Variants in ZRANB3 observed in about 807,000 individuals in gnomAD.
The protein encoded by ZRANB3 is DNA annealing helicase and endonuclease ZRANB3.
A neutral mutation model predicts 133.8 loss-of-function variants in ZRANB3; 125 were observed. The observed-to-expected ratio is 0.93, with a 90% CI of 0.81 to 1.08. ZRANB3 has a LOEUF of 1.08. ZRANB3 is among the 50% of genes least tolerant of loss of function. ZRANB3 has a pLI of 0.00. For synonymous variants in ZRANB3, 387 were observed against 432.7 expected (o/e 0.89, Z 1.31); for missense variants, 1,229 against 1,275.5 (o/e 0.96, Z 0.56).
chr2:135,284,517 G>C (rs1001246455), intron 8 of ZRANB3, among the ~76,000 whole-genome samples: 6 of 152,218 alleles, frequency 3.9e-5, no homozygotes, highest in African/African-American at 1.4e-4. Context: ...TGTCGCCCAG[G>C]CTGGAGTGCA....
chr2:135,415,139 A>C (rs1688499596), intron 2 of ZRANB3, among the ~76,000 whole-genome samples: 1 of 151,300 alleles, frequency 6.6e-6, no homozygotes, highest in African/African-American at 2.4e-5. Context: ...ACAAAAAAAA[A>C]ACCCTTCAAA....
intron 2 of ZRANB3, among the ~76,000 whole-genome samples, chr2:135,456,923 A>T (rs903116671): frequency 2.6e-5 from 4 of 152,222 alleles, no homozygotes; most frequent in Admixed American, 2.6e-4. Context: ...TTGACAAGGA[A>T]ATTAGTAAAT....
At chr2:135,466,518 A>G (rs1691008728) in intron 2 of ZRANB3, among the ~76,000 whole-genome samples, 1 of 151,998 alleles carries the variant, frequency 6.6e-6, no homozygotes, top group Non-Finnish European at 1.5e-5. Flanking sequence ...AGTAAACTGC[A>G]AGTTAAAAAC....
intron 1 of ZRANB3, among the ~76,000 whole-genome samples, chr2:135,505,742 A>G (rs1693149219): frequency 6.6e-6 from 1 of 152,198 alleles, no homozygotes; most frequent in Non-Finnish European, 1.5e-5. Context: ...GCCACAACCT[A>G]GAGAAGCAAG....
intron 2 of ZRANB3, among the ~76,000 whole-genome samples, chr2:135,483,076 CTCT>C (rs1215341296): frequency 6.6e-6 from 1 of 152,026 alleles, no homozygotes; most frequent in African/African-American, 2.4e-5. Flanking sequence ...GTCTAAAATT[CTCT>C]TTTTTGGCTG....
At chr2:135,442,780 A>T (rs1402647539) in intron 2 of ZRANB3, among the ~76,000 whole-genome samples, 2 of 152,192 alleles carry the variant, frequency 1.3e-5, no homozygotes, top group Non-Finnish European at 2.9e-5. Flanking sequence ...ACAATAGCAA[A>T]GTCTTGGAAC....
chr2:135,476,178 C>T (rs2104786346), intron 2 of ZRANB3, among the ~76,000 whole-genome samples: 1 of 152,212 alleles, frequency 6.6e-6, no homozygotes, highest in Middle Eastern at 3.4e-3. Context: ...TTATATGGAT[C>T]TTCATATGAA....
chr2:135,448,835 A>G (rs1298355042), intron 2 of ZRANB3, among the ~76,000 whole-genome samples: 1 of 152,218 alleles, frequency 6.6e-6, no homozygotes, highest in East Asian at 1.9e-4. Context: ...CATGAATAAT[A>G]GCTAACTGTG....
chr2:135,406,145 C>T (rs1688014366), intron 2 of ZRANB3, among the ~76,000 whole-genome samples: 1 of 152,012 alleles, frequency 6.6e-6, no homozygotes, highest in South Asian at 2.1e-4. Flanking sequence ...GGGATATCAC[C>T]ACCGATCCCA....
intron 2 of ZRANB3, among the ~76,000 whole-genome samples, chr2:135,441,104 AT>A (rs1216471862): frequency 6.6e-6 from 1 of 152,178 alleles, no homozygotes; most frequent in Non-Finnish European, 1.5e-5. Flanking sequence ...GAAGAAAAAC[AT>A]TTACTCTCAG....
chr2:135,205,372 C>T (rs544662458), intron 19 of ZRANB3, among the ~76,000 whole-genome samples: 19 of 152,286 alleles, frequency 1.2e-4, no homozygotes, highest in African/African-American at 4.1e-4. Flanking sequence ...TGGACTCAAG[C>T]AATCCTCCTA....
At chr2:135,507,424 T>C (rs1396195806) in intron 1 of ZRANB3, among the ~76,000 whole-genome samples, 1 of 152,194 alleles carries the variant, frequency 6.6e-6, no homozygotes, top group Non-Finnish European at 1.5e-5. Context: ...GATATACTAT[T>C]GTGGACTTTA....
chr2:135,347,294 C>CTT (rs371254079), intron 5 of ZRANB3, among the ~76,000 whole-genome samples: 1,980 of 137,310 alleles, frequency 0.014, 69 homozygotes, highest in African/African-American at 0.048. Flanking sequence ...TTTCAGTTCT[C>CTT]TTTTTTTTTT....
Position 135,314,812 on chromosome 2 carries a change from G to A in ZRANB3, c.849+547C>T, listed in dbSNP as rs181770088. Among the ~76,000 whole-genome samples, 57 of 151,246 alleles carry A rather than the reference G, an allele frequency of 3.8e-4. 1 individual carries two copies. Among genetic ancestry groups the A allele is most frequent in the African/African-American group, 1.1e-3 (44 of 41,142 alleles). ...TGCCCAGGCTGGAGTGCAATGGCGC[G>A]ATCTCGGCTCACTGCAACCTCTGCC... On this transcript the variant is annotated intron_variant, in intron 7 of 20. Coordinates refer to ENST00000264159, the MANE Select transcript of ZRANB3 (RefSeq NM_032143.4).
At chr2:135,403,731 C>T (rs1211473399) in intron 2 of ZRANB3, among the ~76,000 whole-genome samples, 2 of 152,142 alleles carry the variant, frequency 1.3e-5, no homozygotes, top group Admixed American at 1.3e-4. Context: ...CCTCACACGG[C>T]CGGGTACTCC....
At chr2:135,312,019 C>A (rs1683000823) in intron 8 of ZRANB3, among the ~76,000 whole-genome samples, 1 of 151,844 alleles carries the variant, frequency 6.6e-6, no homozygotes, top group African/African-American at 2.4e-5. Context: ...CATGGGGGAA[C>A]TTTTTGGCAT....
intron 12 of ZRANB3, among the ~76,000 whole-genome samples, chr2:135,259,859 AG>A (rs1474092292): frequency 6.6e-6 from 1 of 152,154 alleles, no homozygotes; most frequent in African/African-American, 2.4e-5. Flanking sequence ...AATGGATGAA[AG>A]GGGGCTTAGA....
chr2:135,462,644 G>A (rs1690814954), intron 2 of ZRANB3, among the ~76,000 whole-genome samples: 1 of 147,758 alleles, frequency 6.8e-6, no homozygotes, highest in South Asian at 2.1e-4. Context: ...CCAGGCTGGA[G>A]TGTAGTGGCA....
intron 3 of ZRANB3, among the ~76,000 whole-genome samples, chr2:135,365,829 A>G (rs1685908666): frequency 6.6e-6 from 1 of 152,228 alleles, no homozygotes; most frequent in Non-Finnish European, 1.5e-5. Context: ...ATGTGGCAAC[A>G]CTATAATTAA....
Sources: gnomAD v4.1 joint callset for allele counts (sites outside exome capture counted in the v4.1 genomes callset) on GRCh38, gnomAD v4.1.1 for gene constraint, MANE v1.5 for transcripts, NCBI Gene and HGNC (gene_info 2026-07-23, HGNC 2026-07-21) for gene names.